The following ANO3 variants were observed in gnomAD, a reference collection of about 807,000 sequenced individuals.
ANO3 encodes the protein anoctamin 3, also known as anoctamin-3.
ANO3 carries 99 observed loss-of-function variants against 144.8 expected under a neutral mutation model. That is an observed-to-expected ratio of 0.68 (90% confidence interval 0.58 to 0.81). The LOEUF is 0.81. Among genes scored for constraint, ANO3 ranks in the 30% least tolerant of loss-of-function variants. The pLI, the probability that ANO3 is intolerant of heterozygous loss-of-function variation, is 0.00. For missense variants in ANO3, 905 were observed against 1,202.2 expected (o/e 0.75, Z 3.66); for synonymous variants, 414 against 392.6 (o/e 1.05, Z -0.64).
At chr11:26,645,617 G>A (rs1853318645) in intron 23 of ANO3, among the ~76,000 whole-genome samples, 1 of 151,970 alleles carries the variant, frequency 6.6e-6, no homozygotes, top group Admixed American at 6.6e-5. Context: ...TAAAATTATT[G>A]CTGTCCTTTA....
At chr11:26,619,730 G>A (rs976329392) in intron 17 of ANO3, among the ~76,000 whole-genome samples, 1 of 152,180 alleles carries the variant, frequency 6.6e-6, no homozygotes, top group Non-Finnish European at 1.5e-5. Flanking sequence ...GCCTCCCAAA[G>A]TGCTGGGATT....
chr11:26,321,663 T>C (rs147990134), intron 1 of ANO3, among the ~76,000 whole-genome samples: 2 of 152,162 alleles, frequency 1.3e-5, no homozygotes, highest in African/African-American at 2.4e-5. Flanking sequence ...GATGTAGTCA[T>C]CTTTTATCAG....
intron 17 of ANO3, among the ~76,000 whole-genome samples, chr11:26,614,120 C>T (rs183695012): frequency 2.0e-5 from 3 of 152,298 alleles, no homozygotes; most frequent in East Asian, 1.9e-4. Flanking sequence ...TCAGGCTGTA[C>T]ATGAACATAT....
chr11:26,227,840 A>G (rs1852287746), intron 1 of ANO3, among the ~76,000 whole-genome samples: 2 of 152,236 alleles, frequency 1.3e-5, no homozygotes, highest in African/African-American at 2.4e-5. Flanking sequence ...ATATACAATA[A>G]TAAACACTTT....
At chr11:26,488,931 T>C (rs1312851321) in intron 4 of ANO3, among the ~76,000 whole-genome samples, 3 of 152,154 alleles carry the variant, frequency 2.0e-5, no homozygotes, top group Admixed American at 6.5e-5. Flanking sequence ...GTCCACTTTA[T>C]AGAGTGCTGA....
chr11:26,413,744 A>C (rs1857494573), intron 1 of ANO3, among the ~76,000 whole-genome samples: 1 of 152,018 alleles, frequency 6.6e-6, no homozygotes, highest in African/African-American at 2.4e-5. Context: ...GAGTGTTATT[A>C]TTAAAAACAG....
Position 26,313,871 on chromosome 11 carries a change from T to TTATAATATAATATAATATAATATAA in ANO3, c.-3+4155_-3+4179dup, listed in dbSNP as rs59751659. ...CTTAATATTTAAATGAAATTAAATA[T>TTATAATATAATATAATATAATATAA]TATAATATAATATAATATAATATAA... is the stretch of plus-strand genomic sequence containing the variant. On this transcript the variant is annotated intron_variant, in intron 1 of 26. Coordinates refer to the ANO3 transcript ENST00000525139. 3.0e-3 allele frequency among the ~76,000 whole-genome samples: 439 copies of TTATAATATAATATAATATAATATAA among 147,516 alleles called. 3 individuals carry two copies. Among genetic ancestry groups the TTATAATATAATATAATATAATATAA allele is most frequent in the African/African-American group, 9.0e-3 (364 of 40,280 alleles).
intron 1 of ANO3, among the ~76,000 whole-genome samples, chr11:26,234,720 A>G (rs1211601397): frequency 2.6e-5 from 4 of 152,138 alleles, no homozygotes; most frequent in African/African-American, 4.8e-5. Flanking sequence ...TAAATAGCCC[A>G]CATTATGCCC....
At chr11:26,410,993 G>C (rs183601229) in intron 1 of ANO3, among the ~76,000 whole-genome samples, 2 of 152,086 alleles carry the variant, frequency 1.3e-5, no homozygotes, top group East Asian at 1.9e-4. Context: ...GGCTTATCTG[G>C]CTCTAGGATA....
intron 1 of ANO3, among the ~76,000 whole-genome samples, chr11:26,320,561 ATAT>A (rs1854733870): frequency 6.6e-6 from 1 of 152,198 alleles, no homozygotes; most frequent in Admixed American, 6.5e-5. Context: ...TTAGATGTAT[ATAT>A]TGTTTCCTAT....
intron 1 of ANO3, among the ~76,000 whole-genome samples, chr11:26,243,338 G>GC (rs1852702813): frequency 2.7e-5 from 4 of 150,922 alleles, no homozygotes; most frequent in Admixed American, 2.6e-4. Flanking sequence ...TAAAGTAAAG[G>GC]CTTTTTTTTT....
intron 1 of ANO3, among the ~76,000 whole-genome samples, chr11:26,359,918 T>TAA (rs1855879536): frequency 6.6e-6 from 1 of 151,872 alleles, no homozygotes; most frequent in South Asian, 2.1e-4. Context: ...TATTTATATA[T>TAA]AAATGTATGC....
chr11:26,265,605 A>G (rs1213917724), intron 1 of ANO3, among the ~76,000 whole-genome samples: 1 of 152,260 alleles, frequency 6.6e-6, no homozygotes, highest in East Asian at 1.9e-4. Flanking sequence ...CTCACACACC[A>G]TGAGCAATAC....
intron 1 of ANO3, among the ~76,000 whole-genome samples, chr11:26,393,885 A>G (rs1856941113): frequency 6.6e-6 from 1 of 152,166 alleles, no homozygotes; most frequent in South Asian, 2.1e-4. Context: ...GATTATTTTG[A>G]CATTTCCCTG....
chr11:26,411,562 T>A (rs1375991745), intron 1 of ANO3, among the ~76,000 whole-genome samples: 1 of 151,970 alleles, frequency 6.6e-6, no homozygotes, highest in Non-Finnish European at 1.5e-5. Context: ...TTTTACTGAA[T>A]CAAATCAAAA....
intron 14 of ANO3, among the ~76,000 whole-genome samples, chr11:26,584,346 A>T (rs1490109563): frequency 6.6e-6 from 1 of 152,062 alleles, no homozygotes; most frequent in African/African-American, 2.4e-5. Flanking sequence ...TTTAGTAGAG[A>T]CAGGGTTTCA....
chr11:26,521,259 CAT>C (rs1021072485), intron 6 of ANO3, among the ~76,000 whole-genome samples: 15 of 151,994 alleles, frequency 9.9e-5, no homozygotes, highest in African/African-American at 3.6e-4. Context: ...AAATAGGAAA[CAT>C]ATGTATCTCT....
intron 1 of ANO3, among the ~76,000 whole-genome samples, chr11:26,280,773 G>T (rs185444489): frequency 4.5e-4 from 68 of 152,300 alleles, no homozygotes; most frequent in Admixed American, 1.6e-3. Flanking sequence ...TCTAAAATCA[G>T]TCACCTGTTA....
Position 26,516,920 on chromosome 11 carries a change from C to G in ANO3, c.685C>G (p.Pro229Ala), listed in dbSNP as rs1453093329. The G allele has an allele frequency of 6.3e-7, 1 of 1,598,182 alleles. No homozygotes were observed. The highest frequency in any genetic ancestry group is 2.2e-5 in the East Asian group (1 of 44,638). ...KYAERLNIRM[P>A]FRKKCYYTDG... is the part of the protein sequence containing the mutation. ...TGCAGAGAGGCTGAATATCAGGATG[C>G]CCTTCAGGTACTTTCAAATTTTACT... The change falls in exon 6 of 27, where the codon CCC (proline) becomes GCC (alanine). Residue 229 changes from proline (P) to alanine (A), a missense_variant. Transcript: ENST00000256737.
Sources: gnomAD v4.1 joint callset for allele counts (sites outside exome capture counted in the v4.1 genomes callset) on GRCh38, gnomAD v4.1.1 for gene constraint, MANE v1.5 for transcripts, NCBI Gene and HGNC (gene_info 2026-07-23, HGNC 2026-07-21) for gene names.